The following DPYD variants were observed in gnomAD, a reference collection of about 807,000 sequenced individuals.
The protein encoded by DPYD is dihydropyrimidine dehydrogenase [NADP(+)].
Under a neutral mutation model 116.2 loss-of-function variants are expected in DPYD, and 109 were observed. That is an observed-to-expected ratio of 0.94 (90% CI 0.80 to 1.10). DPYD has a LOEUF of 1.10. Among genes scored for constraint, DPYD ranks in the 50% least tolerant of loss-of-function variants. The pLI is 0.00. For missense variants in DPYD, 1,302 were observed against 1,254.5 expected (o/e 1.04, Z -0.57); for synonymous variants, 440 against 432.0 (o/e 1.02, Z -0.23).
chr1:97,794,151 T>A (rs2101288158), intron 3 of DPYD, among the ~76,000 whole-genome samples: 1 of 152,272 alleles, frequency 6.6e-6, no homozygotes, highest in East Asian at 1.9e-4. Context: ...TTACCCAGAC[T>A]AGCCTCAAAC....
chr1:97,201,576 G>A (rs1051731885), intron 19 of DPYD, among the ~76,000 whole-genome samples: 8 of 152,158 alleles, frequency 5.3e-5, no homozygotes, highest in Admixed American at 2.0e-4. Context: ...AAAAATATAG[G>A]TTAAAAGACA....
intron 4 of DPYD, among the ~76,000 whole-genome samples, chr1:97,739,421 T>C (rs1457666000): frequency 6.6e-5 from 10 of 152,068 alleles, no homozygotes; most frequent in African/African-American, 2.4e-4. Context: ...AGACTTCAAA[T>C]CCTAATAAAT....
intron 12 of DPYD, among the ~76,000 whole-genome samples, chr1:97,533,258 T>A (rs1313612349): frequency 6.6e-6 from 1 of 152,086 alleles, no homozygotes; most frequent in Non-Finnish European, 1.5e-5. Flanking sequence ...TCTTTCACAT[T>A]CTACTAGTTA....
chr1:97,448,204 C>T lies in DPYD; in HGVS notation c.1905+1855G>A, dbSNP rs540361211. ...TGTACTCTGGCCTGGGCGGGGGGAC[C>T]CATCTCTAGTTAAAAAAAAATGTAA... On this transcript the variant is annotated intron_variant, in intron 14 of 22. Transcript: ENST00000370192. 2.0e-3 allele frequency among the ~76,000 whole-genome samples: 308 copies of T among 152,090 alleles called. 1 individual carries two copies. Among genetic ancestry groups the T allele is most frequent in the South Asian group, 4.6e-3 (22 of 4,820 alleles).
At chr1:97,112,897 G>C (rs1570475843) in intron 20 of DPYD, among the ~76,000 whole-genome samples, 1 of 152,076 alleles carries the variant, frequency 6.6e-6, no homozygotes, top group Non-Finnish European at 1.5e-5. Flanking sequence ...ATTCTTGACA[G>C]GATAACAATT....
At chr1:97,655,004 GA>G (rs1219098116) in intron 8 of DPYD, among the ~76,000 whole-genome samples, 4 of 152,114 alleles carry the variant, frequency 2.6e-5, no homozygotes, top group African/African-American at 9.7e-5. Flanking sequence ...ACAGTATGGG[GA>G]AACCGCCTCC....
chr1:97,372,616 T>C (rs928619442), intron 16 of DPYD, among the ~76,000 whole-genome samples: 2 of 152,194 alleles, frequency 1.3e-5, no homozygotes, highest in Non-Finnish European at 2.9e-5. Context: ...ATTTACAAAG[T>C]ACTTTAAAAT....
chr1:97,193,208 T>A lies in DPYD; in HGVS notation c.2483A>T (p.Glu828Val). ...GGCTTTGAGGCCAGTGCAGTAGTCT[T>A]CGATCACAGTGAAATCCTGATTCTG... ...AIQNQDFTVI[E>V]DYCTGLKALL... Residue 828 changes from glutamate to valine, a missense_variant, in exon 20 of 23, where the codon GAA (glutamate) becomes GTA (valine). Transcript: ENST00000370192. The A allele has an allele frequency of 1.2e-6, 2 of 1,613,896 alleles. No homozygotes were observed. The highest frequency in any genetic ancestry group is 1.7e-6 in the Non-Finnish European group (2 of 1,179,932).
intron 16 of DPYD, among the ~76,000 whole-genome samples, chr1:97,328,064 AT>A (rs1668796351): frequency 6.6e-6 from 1 of 152,020 alleles, no homozygotes; most frequent in African/African-American, 2.4e-5. Flanking sequence ...ATTTCAGTTG[AT>A]GCACGATACC....
At chr1:97,399,353 A>T (rs1038677320) in intron 14 of DPYD, among the ~76,000 whole-genome samples, 71 of 152,144 alleles carry the variant, frequency 4.7e-4, no homozygotes, top group African/African-American at 1.7e-3. Context: ...ACTGTAGCCT[A>T]GTAGTATAGT....
intron 20 of DPYD, among the ~76,000 whole-genome samples, chr1:97,147,634 A>G (rs1654721206): frequency 6.6e-6 from 1 of 152,186 alleles, no homozygotes; most frequent in Non-Finnish European, 1.5e-5. Flanking sequence ...TGAGATAAAG[A>G]TAAGACTATC....
chr1:97,085,213 A>C (rs550507973), intron 21 of DPYD, among the ~76,000 whole-genome samples: 80 of 152,356 alleles, frequency 5.3e-4, no homozygotes, highest in African/African-American at 1.9e-3. Flanking sequence ...TGAATCAGAT[A>C]ATGGTGACTA....
chr1:97,390,326 A>G (rs927329012), intron 14 of DPYD, among the ~76,000 whole-genome samples: 7 of 152,068 alleles, frequency 4.6e-5, no homozygotes, highest in Non-Finnish European at 1.5e-5. Flanking sequence ...ATTCAACAAA[A>G]TCATTCCTAA....
chr1:97,152,866 C>T (rs957126508), intron 20 of DPYD, among the ~76,000 whole-genome samples: 1 of 152,000 alleles, frequency 6.6e-6, no homozygotes, highest in Non-Finnish European at 1.5e-5. Context: ...TTAAATATAA[C>T]TTGTCTTATT....
intron 14 of DPYD, among the ~76,000 whole-genome samples, chr1:97,432,321 A>G (rs1294681004): frequency 6.6e-6 from 1 of 152,052 alleles, no homozygotes; most frequent in Non-Finnish European, 1.5e-5. Context: ...CTAATTTACT[A>G]TGTCTTCAAC....
intron 18 of DPYD, among the ~76,000 whole-genome samples, chr1:97,282,996 C>G (rs1665423148): frequency 6.6e-6 from 1 of 152,002 alleles, no homozygotes; most frequent in African/African-American, 2.4e-5. Context: ...CATGTCTTTG[C>G]TATTGTGAAT....
intron 20 of DPYD, among the ~76,000 whole-genome samples, chr1:97,125,967 A>G (rs1652800667): frequency 6.6e-6 from 1 of 152,184 alleles, no homozygotes. Context: ...GGTTTAGTTT[A>G]GAAATAATTT....
At chr1:97,891,537 G>A (rs1472423515) in intron 1 of DPYD, among the ~76,000 whole-genome samples, 7 of 151,888 alleles carry the variant, frequency 4.6e-5, no homozygotes, top group Non-Finnish European at 8.8e-5. Flanking sequence ...TATTGTCACC[G>A]TTTGGTCTGT....
chr1:97,183,685 GATCA>G (rs1231313163), intron 20 of DPYD, among the ~76,000 whole-genome samples: 1 of 152,032 alleles, frequency 6.6e-6, no homozygotes, highest in Non-Finnish European at 1.5e-5. Flanking sequence ...TGTATATACA[GATCA>G]ATCCAGGGAG....
Sources: allele counts gnomAD v4.1 joint callset (sites outside exome capture counted in the v4.1 genomes callset), GRCh38; gene constraint gnomAD v4.1.1; transcripts MANE v1.5; gene names NCBI Gene and HGNC (gene_info 2026-07-23, HGNC 2026-07-21).